Variants in PTBP3 observed in about 807,000 individuals in gnomAD.
The protein encoded by PTBP3 is polypyrimidine tract binding protein 3.
Under a neutral mutation model 58.7 loss-of-function variants are expected in PTBP3, and 20 were observed. That is an observed-to-expected ratio of 0.34 (90% confidence interval 0.24 to 0.50). The LOEUF (loss-of-function observed/expected upper bound fraction) is 0.50, where lower values mean the gene tolerates loss of function less well. Among genes scored for constraint, PTBP3 ranks in the 20% least tolerant of loss-of-function variants. PTBP3 has a pLI of 0.98. For synonymous variants in PTBP3, 185 were observed against 219.8 expected (o/e 0.84, Z 1.40); for missense variants, 509 against 637.2 (o/e 0.80, Z 2.17).
the PTBP3 span, among the ~76,000 whole-genome samples, chr9:112,356,084 T>A: frequency 6.6e-6 from 1 of 151,120 alleles, no homozygotes; most frequent in African/African-American, 2.4e-5. Flanking sequence ...TTAGATGGAT[T>A]CTCCTGCCTC....
chr9:112,220,742 T>C lies in PTBP3; in HGVS notation c.*3109A>G. 1.0e-6 allele frequency: 1 copy of C among 983,932 alleles called. No homozygotes were observed. The highest frequency in any genetic ancestry group is 1.7e-5 in the African/African-American group (1 of 57,306). 61.0% of individuals were successfully genotyped at this position (983,932 alleles called of 1,614,324 possible). A position where few individuals can be genotyped will look rare whatever the true frequency, so the allele number is the denominator to read the frequency against. ...TTTACTGCTATGCAAATTATTCAAA[T>C]CTCAAAGTAAATCATTTTGGTGTAA... On this transcript the variant is annotated 3_prime_UTR_variant, in exon 14 of 14. Transcript: ENST00000374257.
At chr9:112,367,620 G>A in the PTBP3 span, among the ~76,000 whole-genome samples, 8 of 152,224 alleles carry the variant, frequency 5.3e-5, no homozygotes, top group South Asian at 1.7e-3. Flanking sequence ...ATATTCCCAT[G>A]GTTTCCTGGC....
intron 6 of PTBP3, among the ~76,000 whole-genome samples, chr9:112,252,027 G>A (rs1836143546): frequency 6.6e-6 from 1 of 152,036 alleles, no homozygotes; most frequent in African/African-American, 2.4e-5. Flanking sequence ...ATTAGAGTCA[G>A]GGATAGATAT....
chr9:112,312,493 T>TTG (rs1829527035), intron 1 of PTBP3, among the ~76,000 whole-genome samples: 1 of 146,760 alleles, frequency 6.8e-6, no homozygotes, highest in African/African-American at 2.5e-5. Flanking sequence ...TTTTTGTTTT[T>TTG]TTTTTTTAAA....
chr9:112,290,543 G>T (rs558551336), intron 2 of PTBP3, among the ~76,000 whole-genome samples: 1 of 151,358 alleles, frequency 6.6e-6, no homozygotes, highest in Non-Finnish European at 1.5e-5. Flanking sequence ...GTAGTGGCAC[G>T]TGCCTGTAAT....
At position 112,272,072 on chromosome 9, in the gene PTBP3, ATTT is replaced by A. The variant is rs1235774467; in HGVS notation, c.204+3769_204+3771del. On this transcript the variant is annotated intron_variant, in intron 3 of 13. Coordinates refer to ENST00000374257, the MANE Select transcript of PTBP3 (RefSeq NM_001163788.4). Reference sequence around the variant, plus strand: ...TTTTGTCCCCCATCTCACTCTTTTTATTTTTTATTTTTTTTTTGAGACAGAGTC... The same window carrying A: ...TTTTGTCCCCCATCTCACTCTTTTTATTTATTTTTTTTTTGAGACAGAGTC... 2.4e-3 allele frequency among the ~76,000 whole-genome samples: 307 copies of A among 125,978 alleles called. 2 individuals are homozygous for A. Among genetic ancestry groups the A allele is most frequent in the African/African-American group, 9.5e-3 (285 of 29,908 alleles). The allele number at this position is 125,978 out of a possible 152,430, so 82.6% of individuals were successfully genotyped here.
chr9:112,335,539 C>G (rs2099942083), upstream of PTBP3, among the ~76,000 whole-genome samples: 1 of 150,944 alleles, frequency 6.6e-6, no homozygotes, highest in Non-Finnish European at 1.5e-5. Flanking sequence ...CCACCTCAGC[C>G]TCCCAAAGTG....
At chr9:112,230,526 A>T (rs1300046316) in intron 10 of PTBP3, among the ~76,000 whole-genome samples, 4 of 152,214 alleles carry the variant, frequency 2.6e-5, no homozygotes, top group Non-Finnish European at 4.4e-5. Flanking sequence ...CATGAAAAAA[A>T]TAATGAAATA....
intron 2 of PTBP3, chr9:112,280,927 T>C (rs1455364388): frequency 6.6e-6 from 1 of 152,152 alleles, no homozygotes; most frequent in Non-Finnish European, 1.5e-5. Flanking sequence ...GATGAAAGAT[T>C]TCAGTGGGAT....
At chr9:112,241,150 C>T (rs2132027732) in intron 7 of PTBP3, among the ~76,000 whole-genome samples, 1 of 152,296 alleles carries the variant, frequency 6.6e-6, no homozygotes, top group African/African-American at 2.4e-5. Context: ...GTCGCCCAGG[C>T]TGGAGTGCAG....
intron 1 of PTBP3, among the ~76,000 whole-genome samples, chr9:112,309,151 CA>C (rs1829365044): frequency 6.6e-6 from 1 of 151,872 alleles, no homozygotes; most frequent in African/African-American, 2.4e-5. Context: ...CATGACTATA[CA>C]AAAGAGGCTA....
At chr9:112,352,710 T>C in the PTBP3 span, among the ~76,000 whole-genome samples, 150,950 of 152,312 alleles carry the variant, frequency 0.99, 74,802 homozygotes, top group Middle Eastern at 1. Context: ...GGAGGAAATG[T>C]TTGTCAAATC....
At chr9:112,311,326 T>C (rs1829464463) in intron 1 of PTBP3, among the ~76,000 whole-genome samples, 1 of 152,164 alleles carries the variant, frequency 6.6e-6, no homozygotes, top group Non-Finnish European at 1.5e-5. Flanking sequence ...ACTTTTTTTG[T>C]CATTATTCCC....
chr9:112,287,334 G>GTTTTTTTTT (rs34426952), intron 2 of PTBP3, among the ~76,000 whole-genome samples: 8 of 96,080 alleles, frequency 8.3e-5, no homozygotes, highest in African/African-American at 1.3e-4. Flanking sequence ...TTCTTTTTCA[G>GTTTTTTTTT]TTTTTTGTTT....
At chr9:112,345,315 G>GAGAGAC in the PTBP3 span, among the ~76,000 whole-genome samples, 1 of 117,088 alleles carries the variant, frequency 8.5e-6, no homozygotes, top group South Asian at 3.0e-4. Flanking sequence ...ACTTCAGCCT[G>GAGAGAC]AGAGACAGAG....
chr9:112,320,314 A>ATATATATATATATATATTTTTT, intron 1 of PTBP3, among the ~76,000 whole-genome samples: 26 of 75,672 alleles, frequency 3.4e-4, no homozygotes, highest in South Asian at 2.4e-3. Context: ...ATATATATAT[A>ATATATATATATATATATTTTTT]TTTTTTTTTA....
At chr9:112,307,287 T>A (rs180966961) in intron 1 of PTBP3, among the ~76,000 whole-genome samples, 2 of 152,050 alleles carry the variant, frequency 1.3e-5, no homozygotes, top group Admixed American at 6.6e-5. Context: ...ATCCCATCTC[T>A]ACCAAAAACA....
Position 112,297,830 on chromosome 9 carries a change from ACCAT to A in PTBP3, c.32_34+1del. The A allele has an allele frequency of 1.3e-6, 2 of 1,534,442 alleles. No homozygotes were observed. Among genetic ancestry groups the A allele is most frequent in the East Asian group, 2.4e-5 (1 of 42,276 alleles). ...AATATTAAAAAAAAAAAAAAAACTC[ACCAT>A]ACACACCTGTAGAAGGAGTAGAACT... On this transcript the variant is annotated splice_donor_variant and coding_sequence_variant, in exon 2 of 14. Transcript: ENST00000374257. LOFTEE classifies it high-confidence loss of function.
At chr9:112,217,912 C>T (rs148540012), downstream of PTBP3, 234 of 152,266 alleles carry the variant, frequency 1.5e-3, 1 homozygote, top group African/African-American at 5.5e-3. Flanking sequence ...AGAAGTAAAA[C>T]GTTTGTCTAA....
Sources: allele counts gnomAD v4.1 joint callset (sites outside exome capture counted in the v4.1 genomes callset), GRCh38; gene constraint gnomAD v4.1.1; transcripts MANE v1.5; gene names NCBI Gene and HGNC (gene_info 2026-07-23, HGNC 2026-07-21).